Variants in DOCK5 observed in about 807,000 individuals in gnomAD.
The protein encoded by DOCK5 is dedicator of cytokinesis protein 5.
Under a neutral mutation model 251.8 loss-of-function variants are expected in DOCK5, and 142 were observed. The ratio of observed to expected loss-of-function variants is 0.56; its 90% confidence interval spans 0.49 to 0.65. The LOEUF is 0.65. Ranked by LOEUF, DOCK5 falls within the 30% of genes least tolerant of loss-of-function variation. The pLI is 0.00. For synonymous variants in DOCK5, 842 were observed against 835.5 expected (o/e 1.01, Z -0.13); for missense variants, 2,111 against 2,312.3 (o/e 0.91, Z 1.79).
chr8:25,334,082 TTC>T lies in DOCK5; in HGVS notation c.2092-13_2092-12del. ...TTGTGCAGTGCTGCTATTTCTATTTTTCACTTTTGGCAGGTATTTATTATTTC... is the reference window on the plus strand; with the variant it reads ...TTGTGCAGTGCTGCTATTTCTATTTTACTTTTGGCAGGTATTTATTATTTC... On this transcript the variant is annotated splice_polypyrimidine_tract_variant and intron_variant, in intron 20 of 51. Transcript: ENST00000276440. The T allele has an allele frequency of 6.2e-7, 1 of 1,603,736 alleles. No homozygotes were observed. The highest frequency in any genetic ancestry group is 8.5e-7 in the Non-Finnish European group (1 of 1,170,640).
At chr8:25,205,452 G>C (rs1786990473) in intron 1 of DOCK5, among the ~76,000 whole-genome samples, 1 of 152,178 alleles carries the variant, frequency 6.6e-6, no homozygotes, top group South Asian at 2.1e-4. Context: ...CATGGTGTGT[G>C]GTATTTTGTT....
At chr8:25,374,722 A>G in intron 37 of DOCK5, 68 bp downstream of exon 37, 4 of 1,611,990 alleles carry the variant, frequency 2.5e-6, no homozygotes, top group Non-Finnish European at 3.4e-6. Flanking sequence ...AATTCTATAC[A>G]TTTCATGATT....
intron 2 of DOCK5, among the ~76,000 whole-genome samples, chr8:25,252,348 C>T (rs977449998): frequency 2.0e-5 from 3 of 152,124 alleles, no homozygotes; most frequent in African/African-American, 4.8e-5. Flanking sequence ...ATAGGGGTGT[C>T]CAAGGTATTT....
chr8:25,340,118 A>G (rs924087907), intron 22 of DOCK5, among the ~76,000 whole-genome samples: 1 of 152,200 alleles, frequency 6.6e-6, no homozygotes, highest in African/African-American at 2.4e-5. Context: ...TGTAATACTT[A>G]GAGTTGAGCA....
chr8:25,348,149 C>T (rs1800403365), intron 26 of DOCK5, among the ~76,000 whole-genome samples: 1 of 152,162 alleles, frequency 6.6e-6, no homozygotes, highest in Non-Finnish European at 1.5e-5. Flanking sequence ...ATCCTCTCAT[C>T]TCCTTAGTTA....
intron 2 of DOCK5, among the ~76,000 whole-genome samples, chr8:25,264,416 T>A (rs1305956281): frequency 6.6e-6 from 1 of 151,614 alleles, no homozygotes; most frequent in Non-Finnish European, 1.5e-5. Context: ...ATATCCTACA[T>A]TTTTTTCATC....
At chr8:25,262,128 C>A (rs1803602950) in intron 2 of DOCK5, among the ~76,000 whole-genome samples, 1 of 152,140 alleles carries the variant, frequency 6.6e-6, no homozygotes, top group African/African-American at 2.4e-5. Context: ...GTGGCCAGGT[C>A]ATAGGATAAG....
chr8:25,312,567 A>G (rs893092278), intron 13 of DOCK5, among the ~76,000 whole-genome samples: 3 of 152,096 alleles, frequency 2.0e-5, no homozygotes, highest in Admixed American at 1.3e-4. Context: ...GTTCAAGACC[A>G]GCCTGGCCAA....
intron 38 of DOCK5, among the ~76,000 whole-genome samples, chr8:25,378,813 T>A (rs1360894799): frequency 6.6e-6 from 1 of 152,202 alleles, no homozygotes; most frequent in African/African-American, 2.4e-5. Flanking sequence ...CCACCCCCAA[T>A]ATTTCAACAT....
At chr8:25,322,020 G>C (rs545779745) in intron 16 of DOCK5, among the ~76,000 whole-genome samples, 1 of 152,188 alleles carries the variant, frequency 6.6e-6, no homozygotes, top group Non-Finnish European at 1.5e-5. Flanking sequence ...CTACACTAAA[G>C]TGTAAGCAGA....
At position 25,366,974 on chromosome 8, in the gene DOCK5, AGTGT is replaced by A; in HGVS notation, c.3224+5_3224+8del. On this transcript the variant is annotated splice_donor_5th_base_variant and intron_variant, in intron 31 of 51. Coordinates refer to ENST00000276440, the MANE Select transcript of DOCK5 (RefSeq NM_024940.8). ...AGCGCAACAAAATTGTTAAAAAGTA[AGTGT>A]CCTTTTAAAGTTAAGATCGGGAAGG... 1 of 1,612,314 alleles carries A rather than the reference AGTGT, an allele frequency of 6.2e-7. No individual in the cohort carries two copies. The highest frequency in any genetic ancestry group is 8.5e-7 in the Non-Finnish European group (1 of 1,178,496).
intron 5 of DOCK5, among the ~76,000 whole-genome samples, chr8:25,282,029 C>T (rs904201052): frequency 6.6e-6 from 1 of 151,974 alleles, no homozygotes; most frequent in Non-Finnish European, 1.5e-5. Context: ...GACTAAAAGA[C>T]ATTCTTTGTA....
intron 3 of DOCK5, chr8:25,271,314 C>G (rs539011851): frequency 6.5e-6 from 1 of 152,784 alleles, no homozygotes; most frequent in African/African-American, 2.4e-5. Context: ...AATGATGACA[C>G]AGACAAGGGA....
At chr8:25,188,893 C>T (rs1006214378) in intron 1 of DOCK5, among the ~76,000 whole-genome samples, 1 of 152,020 alleles carries the variant, frequency 6.6e-6, no homozygotes, top group South Asian at 2.1e-4. Context: ...TTTAAGCAAA[C>T]ATTAGTGATA....
At chr8:25,345,319 A>G in intron 25 of DOCK5, 156 bp from the exon 26 acceptor site, 1 of 847,822 alleles carries the variant, frequency 1.2e-6, no homozygotes, top group South Asian at 2.1e-5. Context: ...GCCTAAAACC[A>G]GGTGTTCCTG....
At chr8:25,369,497 G>A (rs1800835315) in intron 33 of DOCK5, 59 bp from the exon 34 acceptor site, 1 of 1,480,922 alleles carries the variant, frequency 6.8e-7, no homozygotes, top group Non-Finnish European at 9.2e-7. Context: ...CTAGAAAGTT[G>A]GCCATGTCTT....
In DOCK5 at chr8:25,323,892, C is replaced by T. The variant is rs766101247; in HGVS notation, c.1660C>T (p.Leu554=). 1 of 1,613,500 alleles carries T rather than the reference C, an allele frequency of 6.2e-7. No homozygotes were observed. The highest frequency in any genetic ancestry group is 8.5e-7 in the Non-Finnish European group (1 of 1,179,726). ...ERAFGVAFVK[L]MNPDGTTLQD... is the part of the protein sequence containing the mutation. Reference sequence around the variant, plus strand: ...AGCATTTGGGGTGGCCTTCGTGAAGCTGATGAACCCGGATGGCACCACTCT... The same window carrying T: ...AGCATTTGGGGTGGCCTTCGTGAAGTTGATGAACCCGGATGGCACCACTCT... Residue 554 remains leucine, a synonymous_variant, in exon 17 of 52, where the codon CTG becomes TTG. Transcript: ENST00000276440.
intron 1 of DOCK5, among the ~76,000 whole-genome samples, chr8:25,185,382 C>T (rs1159277984): frequency 1.3e-5 from 2 of 152,224 alleles, no homozygotes; most frequent in East Asian, 1.9e-4. Context: ...GCTTTCTGCC[C>T]CCCGCTTTCG....
chr8:25,198,441 G>C (rs908825568), intron 1 of DOCK5, among the ~76,000 whole-genome samples: 2 of 152,070 alleles, frequency 1.3e-5, no homozygotes, highest in African/African-American at 4.8e-5. Context: ...GCATGGTAGT[G>C]TGTGCCTGTA....
Sources: gnomAD v4.1 joint callset for allele counts (sites outside exome capture counted in the v4.1 genomes callset) on GRCh38, gnomAD v4.1.1 for gene constraint, MANE v1.5 for transcripts, NCBI Gene and HGNC (gene_info 2026-07-23, HGNC 2026-07-21) for gene names.